The following NRG1 variants were observed in gnomAD, a reference collection of about 807,000 sequenced individuals.
NRG1 encodes neuregulin 1, also known as pro-neuregulin-1, membrane-bound isoform.
In NRG1, 18 loss-of-function variants were observed where a neutral mutation model predicts 63.8. The observed-to-expected ratio is 0.28, with a 90% confidence interval of 0.19 to 0.42. NRG1 has a LOEUF of 0.42. NRG1 is among the 10% of genes least tolerant of loss of function. The pLI is 1.00. For missense variants in NRG1, 762 were observed against 814.7 expected, an observed-to-expected ratio of 0.94 and a Z score of 0.79; for synonymous variants, 302 against 301.3, an observed-to-expected ratio of 1.00 and a Z score of -0.02.
chr8:32,075,907 A>G (rs1242468433), intron 1 of NRG1, among the ~76,000 whole-genome samples: 2 of 151,680 alleles, frequency 1.3e-5, no homozygotes, highest in African/African-American at 4.8e-5. Flanking sequence ...TCTTGACCTC[A>G]AGTGATCCGC....
intron 1 of NRG1, among the ~76,000 whole-genome samples, chr8:31,650,167 G>A (rs1804692702): frequency 6.6e-6 from 1 of 151,990 alleles, no homozygotes; most frequent in African/African-American, 2.4e-5. Context: ...TTGTAGAGAT[G>A]GGGTTTTGCC....
Position 32,510,955 on chromosome 8 carries a change from CT to C in NRG1, c.38-84857del, listed in dbSNP as rs60629097. On this transcript the variant is annotated intron_variant, in intron 1 of 10. Coordinates refer to the NRG1 transcript ENST00000519301. ...GAATCTTCCTTTCTTTCTTTCTTTCCTTTTTTTTTTTTTTTTCTGAAGCAGG... is the reference window on the plus strand; with the variant it reads ...GAATCTTCCTTTCTTTCTTTCTTTCCTTTTTTTTTTTTTTTCTGAAGCAGG... 0.042 allele frequency among the ~76,000 whole-genome samples: 5,285 copies of C among 125,518 alleles called. 632 individuals carry two copies. In the East Asian group the frequency reaches 0.56, roughly 13 times the overall value. 82.3% of individuals were successfully genotyped at this position (125,518 alleles called of 152,430 possible).
intron 1 of NRG1, among the ~76,000 whole-genome samples, chr8:32,381,284 G>A (rs951714082): frequency 6.6e-6 from 1 of 152,130 alleles, no homozygotes; most frequent in Non-Finnish European, 1.5e-5. Flanking sequence ...GTCATTCCAT[G>A]AAAATAACTT....
intron 1 of NRG1, among the ~76,000 whole-genome samples, chr8:31,780,457 T>C (rs1819572967): frequency 1.3e-5 from 2 of 152,202 alleles, no homozygotes; most frequent in Non-Finnish European, 2.9e-5. Context: ...ATGGAACAGA[T>C]GGATTGAATG....
chr8:32,745,877 A>G (rs1827338304), intron 7 of NRG1, among the ~76,000 whole-genome samples: 1 of 152,220 alleles, frequency 6.6e-6, no homozygotes. Flanking sequence ...ATATTTTAAA[A>G]GATTGTAATT....
chr8:32,690,038 C>T (rs1010064086), intron 5 of NRG1, among the ~76,000 whole-genome samples: 1 of 152,070 alleles, frequency 6.6e-6, no homozygotes, highest in African/African-American at 2.4e-5. Flanking sequence ...TCTAGAATGT[C>T]CTTGCCCTTC....
intron 1 of NRG1, among the ~76,000 whole-genome samples, chr8:32,454,384 C>T (rs1385491812): frequency 3.3e-5 from 5 of 152,064 alleles, no homozygotes; most frequent in Admixed American, 1.3e-4. Flanking sequence ...ATGGCCTTTA[C>T]TGTTTCGAGG....
intron 1 of NRG1, among the ~76,000 whole-genome samples, chr8:31,996,083 G>A (rs923697390): frequency 6.6e-5 from 10 of 151,188 alleles, no homozygotes; most frequent in East Asian, 2.0e-4. Context: ...TCCTTTCTTC[G>A]TCTGCACTGT....
intron 1 of NRG1, among the ~76,000 whole-genome samples, chr8:31,975,221 G>A (rs992397916): frequency 2.3e-4 from 35 of 152,106 alleles, no homozygotes; most frequent in Admixed American, 1.3e-3. Context: ...AAGAAGGTTC[G>A]GAGAGGTGGG....
chr8:32,122,843 C>A (rs188958422), intron 1 of NRG1, among the ~76,000 whole-genome samples: 11 of 150,364 alleles, frequency 7.3e-5, no homozygotes, highest in African/African-American at 2.7e-4. Flanking sequence ...TCTCATTGTT[C>A]AATTCCCACC....
chr8:32,460,931 AGACT>A (rs1310954893), intron 1 of NRG1, among the ~76,000 whole-genome samples: 2 of 152,214 alleles, frequency 1.3e-5, no homozygotes, highest in Non-Finnish European at 2.9e-5. Flanking sequence ...CTAGATGTTA[AGACT>A]ATATATCCTA....
At chr8:32,251,878 T>C (rs1344940843) in intron 1 of NRG1, among the ~76,000 whole-genome samples, 1 of 132,580 alleles carries the variant, frequency 7.5e-6, no homozygotes, top group Non-Finnish European at 1.6e-5. Flanking sequence ...ATAATGGTCA[T>C]TTCTCTAATG....
intron 1 of NRG1, among the ~76,000 whole-genome samples, chr8:32,458,621 T>C (rs562837437): frequency 7.5e-4 from 114 of 152,268 alleles, no homozygotes; most frequent in African/African-American, 2.5e-3. Flanking sequence ...CATGTGTAGA[T>C]ATCATACCTC....
At chr8:32,266,323 C>T (rs991697869) in intron 1 of NRG1, among the ~76,000 whole-genome samples, 11 of 152,196 alleles carry the variant, frequency 7.2e-5, no homozygotes, top group East Asian at 1.9e-4. Flanking sequence ...GAAGCTACTT[C>T]CTCATCCCTG....
intron 1 of NRG1, among the ~76,000 whole-genome samples, chr8:32,087,015 A>G (rs969547094): frequency 1.3e-5 from 2 of 152,180 alleles, no homozygotes; most frequent in African/African-American, 4.8e-5. Context: ...AACTACATGC[A>G]TCGAATAGCA....
At chr8:32,499,696 A>G (rs1827630437) in intron 1 of NRG1, among the ~76,000 whole-genome samples, 1 of 152,086 alleles carries the variant, frequency 6.6e-6, no homozygotes, top group Non-Finnish European at 1.5e-5. Flanking sequence ...ATAAATAAAT[A>G]AATGTTGGAT....
At chr8:31,775,418 T>TG in intron 1 of NRG1, among the ~76,000 whole-genome samples, 1 of 152,256 alleles carries the variant, frequency 6.6e-6, no homozygotes, top group Non-Finnish European at 1.5e-5. Flanking sequence ...ATGGAAATAA[T>TG]GCACTCTGAG....
intron 1 of NRG1, among the ~76,000 whole-genome samples, chr8:32,119,101 C>T (rs1432199312): frequency 6.6e-6 from 1 of 152,002 alleles, no homozygotes; most frequent in East Asian, 1.9e-4. Context: ...AAGAAATAGT[C>T]TCTTATTGGG....
At chr8:31,962,836 C>T (rs1210634598) in intron 1 of NRG1, among the ~76,000 whole-genome samples, 4 of 152,098 alleles carry the variant, frequency 2.6e-5, no homozygotes, top group African/African-American at 9.7e-5. Flanking sequence ...AGCTTGGGAG[C>T]TATATCTATA....
Sources: gnomAD v4.1 joint callset for allele counts (sites outside exome capture counted in the v4.1 genomes callset) on GRCh38, gnomAD v4.1.1 for gene constraint, MANE v1.5 for transcripts, NCBI Gene and HGNC (gene_info 2026-07-23, HGNC 2026-07-21) for gene names.